The following MAP2K7 variants were observed in gnomAD, a reference collection of about 807,000 sequenced individuals.
MAP2K7 encodes dual specificity mitogen-activated protein kinase kinase 7.
Under a neutral mutation model 47.7 loss-of-function variants are expected in MAP2K7, and 12 were observed. The observed-to-expected ratio is 0.25, with a 90% CI of 0.16 to 0.41. The LOEUF (loss-of-function observed/expected upper bound fraction) is 0.41, where lower values mean the gene tolerates loss of function less well. Among genes scored for constraint, MAP2K7 ranks in the 10% least tolerant of loss-of-function variants. The pLI is 1.00. For missense variants in MAP2K7, 415 were observed against 600.3 expected (o/e 0.69, Z 3.23); for synonymous variants, 299 against 243.0 (o/e 1.23, Z -2.14).
At chr19:7,910,840 A>G (rs767857754) in intron 6 of MAP2K7, 37 bp downstream of exon 6, 2 of 1,576,062 alleles carry the variant, frequency 1.3e-6, no homozygotes, top group South Asian at 1.2e-5. Flanking sequence ...GGGCAGGATG[A>G]CAGAGGCGGT....
rs1982424906 is a variant in MAP2K7, at chr19:7,905,974, C to CCTCACT, written c.124+1913_124+1918dup. On this transcript the variant is annotated intron_variant, in intron 1 of 10. Coordinates refer to ENST00000397979, the MANE Select transcript of MAP2K7 (RefSeq NM_145185.4). ...CTGTGTGTGTCCCCATGTCCCTTCC[C>CCTCACT]CTCACTCTCACTTTCTCTCTCACTC... is the stretch of plus-strand genomic sequence containing the variant. The CCTCACT allele has an allele frequency of 5.6e-6, 5 of 887,784 alleles. No homozygotes were observed. The East Asian group carries it at 1.2e-4, about 22-fold the overall frequency. 55.0% of individuals were successfully genotyped at this position (887,784 alleles called of 1,614,324 possible).
Position 7,905,704 on chromosome 19 carries a change from CCCT to C in MAP2K7, c.124+1644_124+1646del, listed in dbSNP as rs878979625. On this transcript the variant is annotated intron_variant, in intron 1 of 10. Coordinates refer to ENST00000397979, the MANE Select transcript of MAP2K7 (RefSeq NM_145185.4). ...GCCATCTCTGCAGTTCGGTGCCTCCCCCTCCTCCTCGTTTATGATTTGATTTCT... is the reference window on the plus strand; with the variant it reads ...GCCATCTCTGCAGTTCGGTGCCTCCCCCTCCTCGTTTATGATTTGATTTCT... 18 of 1,010,810 alleles carry C rather than the reference CCCT, an allele frequency of 1.8e-5. 1 individual carries two copies. The highest frequency in any genetic ancestry group is 1.5e-4 in the South Asian group (12 of 77,492). 62.6% of individuals were successfully genotyped at this position (1,010,810 alleles called of 1,614,324 possible).
chr19:7,905,940 C>T, intron 1 of MAP2K7: 1 of 1,209,428 alleles, frequency 8.3e-7, no homozygotes, highest in Non-Finnish European at 1.2e-6. Context: ...GTCCCCCAGC[C>T]CCCATGCTCT....
In MAP2K7 at chr19:7,903,972, C is replaced by T. The variant is rs1168262096; in HGVS notation, c.28C>T (p.Leu10=). 3 of 1,551,770 alleles carry T rather than the reference C, an allele frequency of 1.9e-6. No homozygotes were observed. Among genetic ancestry groups the T allele is most frequent in the Non-Finnish European group, 1.7e-6 (2 of 1,150,466 alleles). Residue 10 remains leucine (L), a synonymous_variant, in exon 1 of 11, where the codon CTG becomes TTG. Coordinates refer to ENST00000397979, the MANE Select transcript of MAP2K7 (RefSeq NM_145185.4). ...GGCGGCGTCCTCCCTGGAACAGAAG[C>T]TGTCCCGCCTGGAAGCAAAGCTGAA... The part of the protein sequence containing the change: MAASSLEQK[L]SRLEAKLKQE...
At position 7,910,253 on chromosome 19, in the gene MAP2K7, C is replaced by T; in HGVS notation, c.334-7C>T. On this transcript the variant is annotated splice_region_variant and splice_polypyrimidine_tract_variant and intron_variant, in intron 3 of 10. Coordinates refer to ENST00000397979, the MANE Select transcript of MAP2K7 (RefSeq NM_145185.4). ...CAGGGACCCTCCAACCCTCCCTCTC[C>T]TCCCAGCGCTACCAGGCAGAAATCA... 2.5e-6 allele frequency: 4 copies of T among 1,612,692 alleles called. No homozygotes were observed. Among genetic ancestry groups the T allele is most frequent in the Non-Finnish European group, 2.5e-6 (3 of 1,179,652 alleles).
At chr19:7,907,811 G>A (rs545744091) in intron 1 of MAP2K7, among the ~76,000 whole-genome samples, 7 of 152,256 alleles carry the variant, frequency 4.6e-5, no homozygotes, top group African/African-American at 1.4e-4. Flanking sequence ...ACTCTCTGAG[G>A]GCGGGAACTA....
intron 3 of MAP2K7, 60 bp from the exon 4 acceptor site, chr19:7,910,200 G>C (rs776928830): frequency 1.6e-5 from 25 of 1,600,158 alleles, no homozygotes; most frequent in Admixed American, 1.7e-5. Flanking sequence ...GAGCGCCAGT[G>C]GGGGGCAGGG....
intron 1 of MAP2K7, 70 bp from the exon 2 acceptor site, chr19:7,909,685 G>A (rs1599624884): frequency 2.2e-6 from 2 of 925,184 alleles, no homozygotes; most frequent in East Asian, 2.7e-5. Context: ...CCTCCCTGGA[G>A]TGCCAGATGT....
rs947413737 is a variant in MAP2K7, at chr19:7,912,650, C to T, written c.*219C>T. ...GGGTCAGCCGGCCGTGTGCGTCCCC[C>T]GACAGACACTGTGAACGGAAGACAG... On this transcript the variant is annotated 3_prime_UTR_variant, in exon 11 of 11. Transcript: ENST00000397979. 30 of 595,112 alleles carry T rather than the reference C, an allele frequency of 5.0e-5. No homozygotes were observed. The highest frequency in any genetic ancestry group is 9.3e-5 in the Admixed American group (3 of 32,174). 36.9% of individuals were successfully genotyped at this position (595,112 alleles called of 1,614,324 possible). A position where few individuals can be genotyped will look rare whatever the true frequency, so the allele number is the denominator to read the frequency against.
In MAP2K7 at chr19:7,910,460, G is replaced by A. The variant is rs1045580606; in HGVS notation, c.455G>A (p.Arg152Gln). ...TGHVIAVKQM[R>Q]RSGNKEENKR... Reference sequence around the variant, plus strand: ...CTGTCCCTGCCTGTGCAGCAAATGCGGCGCTCCGGGAACAAGGAGGAGAAC... The same window carrying A: ...CTGTCCCTGCCTGTGCAGCAAATGCAGCGCTCCGGGAACAAGGAGGAGAAC... The change falls in exon 5 of 11, where the codon CGG (arginine) becomes CAG (glutamine). Residue 152 changes from arginine (R) to glutamine (Q), a missense_variant. Arg to Gln is a conservative substitution (Grantham distance 43). This residue lies in a region of MAP2K7 where 206 missense variants were observed against 368.8 expected (regional missense o/e 0.56). Transcript: ENST00000397979. The A allele has an allele frequency of 1.2e-6, 2 of 1,607,276 alleles. No homozygotes were observed. The highest frequency in any genetic ancestry group is 1.1e-5 in the South Asian group (1 of 90,230).
At position 7,912,461 on chromosome 19, in the gene MAP2K7, GC is replaced by G. The variant is rs1208703906; in HGVS notation, c.*32del. On this transcript the variant is annotated 3_prime_UTR_variant, in exon 11 of 11. Transcript: ENST00000397979. ...TTGGCGGCGGCCAGCCCCACAGGGG[GC>G]CAGGGGCATGGCCACAGGCCCCCCT... is the stretch of plus-strand genomic sequence containing the variant. 3 of 1,594,890 alleles carry G rather than the reference GC, an allele frequency of 1.9e-6. No homozygotes were observed. Among genetic ancestry groups the G allele is most frequent in the East Asian group, 4.5e-5 (2 of 44,418 alleles).
At chr19:7,909,931 C>T (rs1250856383) in intron 2 of MAP2K7, 35 bp downstream of exon 2, 1 of 1,502,782 alleles carries the variant, frequency 6.7e-7, no homozygotes, top group Non-Finnish European at 8.9e-7. Context: ...GGGTGGGAAG[C>T]AGCATTGAGG....
chr19:7,911,394 G>A (rs774407352), intron 8 of MAP2K7, 42 bp from the exon 9 acceptor site: 2 of 1,613,414 alleles, frequency 1.2e-6, no homozygotes, highest in South Asian at 2.2e-5. Flanking sequence ...CTCGGAGGGA[G>A]GAGAACATAA....
In MAP2K7 at chr19:7,912,205, G is replaced by C. The variant is rs1272278785; in HGVS notation, c.1125+11G>C. ...TATAATAAGCTACTTGTGAGTACCTGAGCCCTCCCAGTCCCCGTCCTGTCC... is the reference window on the plus strand; with the variant it reads ...TATAATAAGCTACTTGTGAGTACCTCAGCCCTCCCAGTCCCCGTCCTGTCC... On this transcript the variant is annotated intron_variant, in intron 10 of 10. Coordinates refer to ENST00000397979, the MANE Select transcript of MAP2K7 (RefSeq NM_145185.4). 6.2e-7 allele frequency: 1 copy of C among 1,613,922 alleles called. No homozygotes were observed. Among genetic ancestry groups the C allele is most frequent in the South Asian group, 1.1e-5 (1 of 91,088 alleles).
intron 1 of MAP2K7, among the ~76,000 whole-genome samples, chr19:7,905,233 C>T (rs147815066): frequency 1.4e-3 from 214 of 151,244 alleles, no homozygotes; most frequent in Non-Finnish European, 1.3e-3. Flanking sequence ...TTAGTTCTCT[C>T]TATGGAGTCA....
rs2145148505 is a variant in MAP2K7 at position 7,913,101 on chromosome 19, T to C, written c.*670T>C. On this transcript the variant is annotated 3_prime_UTR_variant, in exon 11 of 11. Coordinates refer to ENST00000397979, the MANE Select transcript of MAP2K7 (RefSeq NM_145185.4). Reference sequence around the variant, plus strand: ...TCAGGGGGTCCTTTTTGGAGTTTATTGTATTTTATTGTACTTGGTGGGGTG... The same window carrying C: ...TCAGGGGGTCCTTTTTGGAGTTTATCGTATTTTATTGTACTTGGTGGGGTG... 1 of 152,754 alleles carries C rather than the reference T, an allele frequency of 6.5e-6. No homozygotes were observed. The highest frequency in any genetic ancestry group is 2.1e-4 in the South Asian group (1 of 4,826). 9.5% of individuals were successfully genotyped at this position (152,754 alleles called of 1,614,324 possible).
rs1006730956 is a variant in MAP2K7, at chr19:7,912,878, G to A, written c.*447G>A. 4.4e-5 allele frequency: 8 copies of A among 182,644 alleles called. No individual in the cohort carries two copies. Among genetic ancestry groups the A allele is most frequent in the Non-Finnish European group, 8.1e-5 (7 of 85,916 alleles). 11.3% of individuals were successfully genotyped at this position (182,644 alleles called of 1,614,324 possible). On this transcript the variant is annotated 3_prime_UTR_variant, in exon 11 of 11. Transcript: ENST00000397979. Reference sequence around the variant, plus strand: ...CTCTCTGTCCTTGTCTGGCTCTCCCGTCACCCTCCCTGCCTCTGTCTCTCT... The same window carrying A: ...CTCTCTGTCCTTGTCTGGCTCTCCCATCACCCTCCCTGCCTCTGTCTCTCT...
rs1353819413 is a variant in MAP2K7 at position 7,912,896 on chromosome 19, GTCTC to G, written c.*469_*472del. On this transcript the variant is annotated 3_prime_UTR_variant, in exon 11 of 11. Coordinates refer to ENST00000397979, the MANE Select transcript of MAP2K7 (RefSeq NM_145185.4). The stretch of plus-strand genomic sequence containing the variant: ...CTCTCCCGTCACCCTCCCTGCCTCT[GTCTC>G]TCTTCTGGCCTGAGCCTGGGCCCAG... 5.5e-6 allele frequency: 1 copy of G among 182,042 alleles called. No homozygotes were observed. Among genetic ancestry groups the G allele is most frequent in the African/African-American group, 2.4e-5 (1 of 41,868 alleles). 11.3% of individuals were successfully genotyped at this position (182,042 alleles called of 1,614,324 possible).
At chr19:7,905,666 C>G (rs748893717) in intron 1 of MAP2K7, 31 of 747,414 alleles carry the variant, frequency 4.1e-5, no homozygotes, top group Non-Finnish European at 7.2e-5. Context: ...CTCCCCATCT[C>G]TGTCGGTTCC....
Sources: gnomAD v4.1 joint callset for allele counts (sites outside exome capture counted in the v4.1 genomes callset) on GRCh38, gnomAD v4.1.1 for gene constraint, gnomAD v4.1.1 regional missense constraint, MANE v1.5 for transcripts, NCBI Gene and HGNC (gene_info 2026-07-23, HGNC 2026-07-21) for gene names.